The following PDZD2 variants were observed in gnomAD, a reference collection of about 807,000 sequenced individuals.
The protein encoded by PDZD2 is PDZ domain containing 2.
In PDZD2, 90 loss-of-function variants were observed where a neutral mutation model predicts 220.7. The ratio of observed to expected loss-of-function variants is 0.41; its 90% CI spans 0.34 to 0.49. PDZD2 has a LOEUF of 0.49. Among genes scored for constraint, PDZD2 ranks in the 20% least tolerant of loss-of-function variants. The pLI, the probability that PDZD2 is intolerant of heterozygous loss-of-function variation, is 0.28. For missense variants in PDZD2, 3,174 were observed against 3,608.5 expected, an observed-to-expected ratio of 0.88 and a Z score of 3.08; for synonymous variants, 1,375 against 1,450.5, an observed-to-expected ratio of 0.95 and a Z score of 1.18.
chr5:31,970,914 T>C (rs4242142), intron 2 of PDZD2, among the ~76,000 whole-genome samples: 133,428 of 152,140 alleles, frequency 0.88, 59,407 homozygotes, highest in South Asian at 0.96. Flanking sequence ...AGTCTGCTGC[T>C]CCCAAATCCA....
At chr5:31,765,704 G>A (rs963733396) in intron 1 of PDZD2, among the ~76,000 whole-genome samples, 1 of 152,150 alleles carries the variant, frequency 6.6e-6, no homozygotes, top group African/African-American at 2.4e-5. Flanking sequence ...TGGTCAGTTT[G>A]CTGACAGCAT....
Position 31,880,795 on chromosome 5 carries a change from T to TTCC in PDZD2, c.476+81072_476+81073insCCT, listed in dbSNP as rs1233236887. On this transcript the variant is annotated intron_variant, in intron 2 of 24. Coordinates refer to ENST00000438447, the MANE Select transcript of PDZD2 (RefSeq NM_178140.4). ...AGGTAGCTTTCTTTTTTTTTTCTTT[T>TTCC]TTTTTTTTTTTTTTTTTTTTTTTGA... 5.0e-3 allele frequency among the ~76,000 whole-genome samples: 531 copies of TTCC among 105,332 alleles called. 30 individuals carry two copies. The highest frequency in any genetic ancestry group is 0.027 in the African/African-American group (512 of 18,966). The allele number at this position is 105,332 out of a possible 152,430, so 69.1% of individuals were successfully genotyped here. A position where few individuals can be genotyped will look rare whatever the true frequency, so the allele number is the denominator to read the frequency against.
intron 21 of PDZD2, among the ~76,000 whole-genome samples, chr5:32,095,221 C>A (rs1387490091): frequency 6.6e-6 from 1 of 152,154 alleles, no homozygotes; most frequent in African/African-American, 2.4e-5. Context: ...GCCTTCCTCA[C>A]CCCCTACTAC....
intron 2 of PDZD2, among the ~76,000 whole-genome samples, chr5:31,836,888 G>T (rs893286626): frequency 2.0e-5 from 3 of 151,736 alleles, no homozygotes; most frequent in African/African-American, 7.3e-5. Flanking sequence ...CATGATGGTG[G>T]GTGCCTGTAA....
At chr5:31,893,234 C>G (rs1741217878) in intron 2 of PDZD2, among the ~76,000 whole-genome samples, 1 of 152,092 alleles carries the variant, frequency 6.6e-6, no homozygotes, top group Non-Finnish European at 1.5e-5. Context: ...ATCCTGTCCC[C>G]ACGTTACTGC....
intron 1 of PDZD2, among the ~76,000 whole-genome samples, chr5:31,681,615 CTA>C (rs1279706282): frequency 6.6e-6 from 1 of 151,836 alleles, no homozygotes; most frequent in African/African-American, 2.4e-5. Flanking sequence ...GCGTATGTGT[CTA>C]TGTCTATCTT....
chr5:32,005,476 G>A (rs1752724261), intron 5 of PDZD2, among the ~76,000 whole-genome samples: 2 of 149,202 alleles, frequency 1.3e-5, no homozygotes, highest in South Asian at 4.2e-4. Flanking sequence ...TTCACTCTTG[G>A]TTTTTATTAA....
At chr5:31,778,911 C>CA (rs1752882993) in intron 1 of PDZD2, among the ~76,000 whole-genome samples, 1 of 152,174 alleles carries the variant, frequency 6.6e-6, no homozygotes, top group South Asian at 2.1e-4. Flanking sequence ...TAGTGAATAT[C>CA]CTTCAAAGAC....
chr5:31,668,909 C>T (rs1176034867), intron 1 of PDZD2, among the ~76,000 whole-genome samples: 1 of 152,166 alleles, frequency 6.6e-6, no homozygotes, highest in Admixed American at 6.5e-5. Context: ...AAGGGAGTAG[C>T]ATTGACCTCC....
chr5:31,943,203 C>CAAA (rs368213219), intron 2 of PDZD2, among the ~76,000 whole-genome samples: 1 of 146,160 alleles, frequency 6.8e-6, no homozygotes, highest in Non-Finnish European at 1.5e-5. Flanking sequence ...ACTGTGTCTC[C>CAAA]AAAAAAAAAA....
At chr5:31,818,209 C>T (rs965359959) in intron 2 of PDZD2, among the ~76,000 whole-genome samples, 10 of 151,972 alleles carry the variant, frequency 6.6e-5, no homozygotes, top group African/African-American at 2.2e-4. Flanking sequence ...TGGGCTCAAG[C>T]AATCCACCTT....
chr5:31,701,963 A>C (rs916295795), intron 1 of PDZD2, among the ~76,000 whole-genome samples: 1 of 152,236 alleles, frequency 6.6e-6, no homozygotes, highest in African/African-American at 2.4e-5. Context: ...AGGGGAAACA[A>C]TTAAATGCCT....
chr5:32,036,150 G>A (rs956422413), intron 6 of PDZD2, among the ~76,000 whole-genome samples: 1 of 152,028 alleles, frequency 6.6e-6, no homozygotes, highest in African/African-American at 2.4e-5. Flanking sequence ...TAGTAGAGAC[G>A]GGGTTTCACT....
intron 2 of PDZD2, among the ~76,000 whole-genome samples, chr5:31,825,597 T>C (rs1398072125): frequency 6.6e-6 from 1 of 152,246 alleles, no homozygotes; most frequent in Admixed American, 6.5e-5. Flanking sequence ...TCCACATCAA[T>C]GTACAAGACA....
intron 2 of PDZD2, among the ~76,000 whole-genome samples, chr5:31,845,794 G>T (rs751013395): frequency 6.6e-6 from 1 of 152,160 alleles, no homozygotes; most frequent in African/African-American, 2.4e-5. Context: ...GATTGTAATA[G>T]GGATTTAATG....
chr5:31,959,533 A>G (rs991821807), intron 2 of PDZD2, among the ~76,000 whole-genome samples: 1 of 151,530 alleles, frequency 6.6e-6, no homozygotes, highest in Admixed American at 6.6e-5. Flanking sequence ...TAATTTTTGT[A>G]TTTTTAGTAG....
intron 1 of PDZD2, among the ~76,000 whole-genome samples, chr5:31,757,136 A>G (rs763612429): frequency 1.9e-4 from 29 of 152,080 alleles, no homozygotes; most frequent in Admixed American, 3.9e-4. Flanking sequence ...ATTTTTAAAA[A>G]TTAGCTGGGC....
At chr5:31,707,251 A>G (rs1230765308) in intron 1 of PDZD2, among the ~76,000 whole-genome samples, 1 of 151,934 alleles carries the variant, frequency 6.6e-6, no homozygotes, top group Admixed American at 6.6e-5. Flanking sequence ...ATGTATACAT[A>G]TGTAACAAAC....
chr5:32,061,191 C>T (rs1561480046), intron 14 of PDZD2, 57 bp downstream of exon 14: 2 of 1,561,470 alleles, frequency 1.3e-6, no homozygotes, highest in Non-Finnish European at 1.8e-6. Context: ...CCTAGGATAT[C>T]GTATACTCTT....
Sources: gnomAD v4.1 joint callset for allele counts (sites outside exome capture counted in the v4.1 genomes callset) on GRCh38, gnomAD v4.1.1 for gene constraint, MANE v1.5 for transcripts, NCBI Gene and HGNC (gene_info 2026-07-23, HGNC 2026-07-21) for gene names.